CDH7: variants seen among roughly 807,000 people sequenced by gnomAD.
CDH7 encodes cadherin-7.
CDH7 carries 25 observed loss-of-function variants against 71.8 expected under a neutral mutation model. That is an observed-to-expected ratio of 0.35 (90% CI 0.25 to 0.49). The LOEUF (loss-of-function observed/expected upper bound fraction) is 0.49. Ranked by LOEUF, CDH7 falls within the 20% of genes least tolerant of loss-of-function variation. The pLI is 0.99. For missense variants in CDH7, 862 were observed against 974.6 expected (o/e 0.88, Z 1.54); for synonymous variants, 381 against 363.8 (o/e 1.05, Z -0.54).
intron 6 of CDH7, among the ~76,000 whole-genome samples, chr18:65,834,148 G>A (rs1912451314): frequency 1.3e-5 from 2 of 152,258 alleles, no homozygotes; most frequent in South Asian, 4.1e-4. Context: ...ATTGTATAAG[G>A]AAGGTTAAAA....
rs140063522 is a variant in CDH7, at chr18:65,804,644, T to C, written c.211-5060T>C. Among the ~76,000 whole-genome samples the C allele has an allele frequency of 4.0e-5, 6 of 151,712 alleles. No homozygotes were observed. In the East Asian group the frequency reaches 1.2e-3, roughly 29 times the overall value. On this transcript the variant is annotated intron_variant, in intron 2 of 11. Transcript: ENST00000397968. Reference sequence around the variant, plus strand: ...GAGGGTAAAAATTTAATGAAGGTAATGGAGATTCTGGCACCCAAGGACATG... The same window carrying C: ...GAGGGTAAAAATTTAATGAAGGTAACGGAGATTCTGGCACCCAAGGACATG...
At chr18:65,857,254 G>A (rs1254694309) in intron 7 of CDH7, among the ~76,000 whole-genome samples, 2 of 149,960 alleles carry the variant, frequency 1.3e-5, no homozygotes, top group Admixed American at 6.7e-5. Context: ...AGTCTGAGAT[G>A]GAAGGGTCAC....
intron 4 of CDH7, among the ~76,000 whole-genome samples, chr18:65,821,733 C>G (rs911822760): frequency 1.3e-5 from 2 of 152,068 alleles, no homozygotes; most frequent in Admixed American, 1.3e-4. Flanking sequence ...AAGAAAAAGA[C>G]AAGTTCATTG....
intron 11 of CDH7, chr18:65,865,243 A>G (rs962706062): frequency 6.6e-6 from 1 of 152,106 alleles, no homozygotes; most frequent in Non-Finnish European, 1.5e-5. Flanking sequence ...AAGTAACTGA[A>G]ATAGAGTTTT....
At chr18:65,796,492 C>T (rs1339235055) in intron 2 of CDH7, among the ~76,000 whole-genome samples, 1 of 152,158 alleles carries the variant, frequency 6.6e-6, no homozygotes, top group East Asian at 1.9e-4. Context: ...GTACAATATA[C>T]ATTAGGTAGC....
intron 2 of CDH7, among the ~76,000 whole-genome samples, chr18:65,806,106 G>T (rs1401055947): frequency 6.6e-6 from 1 of 152,220 alleles, no homozygotes; most frequent in Non-Finnish European, 1.5e-5. Context: ...TGTAAAATGT[G>T]ATTTGCATTC....
At chr18:65,821,733 C>T (rs911822760) in intron 4 of CDH7, among the ~76,000 whole-genome samples, 1 of 152,068 alleles carries the variant, frequency 6.6e-6, no homozygotes, top group Admixed American at 6.6e-5. Context: ...AAGAAAAAGA[C>T]AAGTTCATTG....
At chr18:65,762,581 C>T in intron 1 of CDH7, 66 bp from the exon 2 acceptor site, 1 of 268,512 alleles carries the variant, frequency 3.7e-6, no homozygotes, top group Non-Finnish European at 7.0e-6. Context: ...GTAGATTAGT[C>T]AATGAATGCT....
chr18:65,769,741 C>T (rs948752676), intron 2 of CDH7, among the ~76,000 whole-genome samples: 6 of 152,246 alleles, frequency 3.9e-5, no homozygotes, highest in South Asian at 4.1e-4. Context: ...TTGGGTAGAA[C>T]ATTTTATAAT....
At chr18:65,804,631 T>G (rs1911245332) in intron 2 of CDH7, among the ~76,000 whole-genome samples, 1 of 151,806 alleles carries the variant, frequency 6.6e-6, no homozygotes, top group Admixed American at 6.6e-5. Flanking sequence ...GGGTAAAAAT[T>G]TAATGAAGGT....
intron 2 of CDH7, among the ~76,000 whole-genome samples, chr18:65,808,353 A>G (rs919141880): frequency 6.6e-6 from 1 of 152,100 alleles, no homozygotes. Context: ...AACCCTAAAA[A>G]TGACTTAAGA....
rs1253803938 is a variant in CDH7, at chr18:65,859,803, C to A, written c.1590C>A (p.Asn530Lys). 2 of 1,597,416 alleles carry A rather than the reference C, an allele frequency of 1.3e-6. No homozygotes were observed. The highest frequency in any genetic ancestry group is 3.3e-5 in the Admixed American group (2 of 59,952). Residue 530 changes from asparagine to lysine, a missense_variant, in exon 10 of 12, where the codon AAC becomes AAA. Physicochemically the swap from Asn to Lys is moderately conservative, Grantham distance 94. Transcript: ENST00000397968. ...CAACGGATGCAACAAATAACCACAA[C>A]TTTTCATTGAAAGATAACAAAGGTA... is the stretch of plus-strand genomic sequence containing the variant. ...SLTTDATNNH[N>K]FSLKDNKDNT...
intron 11 of CDH7, among the ~76,000 whole-genome samples, chr18:65,879,630 C>T (rs1485504068): frequency 6.6e-6 from 1 of 152,120 alleles, no homozygotes; most frequent in African/African-American, 2.4e-5. Context: ...CCCCAAATAA[C>T]CAGTGTAGTT....
In CDH7 at chr18:65,884,165, A is replaced by G. The variant is rs998033535; in HGVS notation, c.*3271A>G. The G allele has an allele frequency of 2.9e-4, 44 of 152,256 alleles. No individual in the cohort carries two copies. The highest frequency in any genetic ancestry group is 1.0e-3 in the African/African-American group (43 of 41,556). 9.4% of individuals were successfully genotyped at this position (152,256 alleles called of 1,614,324 possible). A position where few individuals can be genotyped will look rare whatever the true frequency, so the allele number is the denominator to read the frequency against. ...ATTGCATTATTAAAAATCAACATAA[A>G]AATATAAAAATCAAATCTTAAGGAA... On this transcript the variant is annotated 3_prime_UTR_variant, in exon 12 of 12. Transcript: ENST00000397968.
chr18:65,767,483 C>A (rs1441287228), intron 2 of CDH7, among the ~76,000 whole-genome samples: 1 of 152,128 alleles, frequency 6.6e-6, no homozygotes, highest in Non-Finnish European at 1.5e-5. Context: ...GCATAGTCAT[C>A]ATAGCAAAAT....
At chr18:65,799,964 C>G (rs1328608496) in intron 2 of CDH7, among the ~76,000 whole-genome samples, 1 of 152,160 alleles carries the variant, frequency 6.6e-6, no homozygotes, top group Non-Finnish European at 1.5e-5. Flanking sequence ...ACACTGCATA[C>G]TTCTTCTTCT....
In CDH7 at chr18:65,806,398, AT is replaced by A. The variant is rs139863872; in HGVS notation, c.211-3296del. On this transcript the variant is annotated intron_variant, in intron 2 of 11. Transcript: ENST00000397968. ...AAGTTTTGTCTGCTTATTAATAGAG[AT>A]TTTTTTTTTGTTATTGTTTAGGCTA... Among the ~76,000 whole-genome samples the A allele has an allele frequency of 1.5e-3, 223 of 149,650 alleles. 1 individual carries two copies. The East Asian group carries it at 0.017, about 11-fold the overall frequency.
chr18:65,768,471 C>T (rs897617847), intron 2 of CDH7, among the ~76,000 whole-genome samples: 3 of 152,046 alleles, frequency 2.0e-5, no homozygotes, highest in African/African-American at 4.8e-5. Flanking sequence ...CCTGACTTCA[C>T]GTGATCTGCC....
intron 6 of CDH7, among the ~76,000 whole-genome samples, chr18:65,835,964 T>G (rs141037607): frequency 1.2e-3 from 186 of 152,248 alleles, no homozygotes; most frequent in African/African-American, 4.3e-3. Flanking sequence ...CAAGGCTCCT[T>G]AAAGAGGAAA....
Sources: gnomAD v4.1 joint callset for allele counts (sites outside exome capture counted in the v4.1 genomes callset) on GRCh38, gnomAD v4.1.1 for gene constraint, MANE v1.5 for transcripts, NCBI Gene and HGNC (gene_info 2026-07-23, HGNC 2026-07-21) for gene names.